IPO5: variants seen among roughly 807,000 people sequenced by gnomAD.
The protein encoded by IPO5 is importin-5.
In IPO5, 18 loss-of-function variants were observed where a neutral mutation model predicts 143.3. The ratio of observed to expected loss-of-function variants is 0.13; its 90% CI spans 0.09 to 0.19. IPO5 has a LOEUF of 0.19. Among genes scored for constraint, IPO5 ranks in the 10% least tolerant of loss-of-function variants. IPO5 has a pLI of 1.00. For missense variants in IPO5, 1,013 were observed against 1,336.9 expected (o/e 0.76, Z 3.78); for synonymous variants, 477 against 465.7 (o/e 1.02, Z -0.31).
chr13:97,987,503 A>G (rs71437944), intron 6 of IPO5, among the ~76,000 whole-genome samples: 7 of 152,146 alleles, frequency 4.6e-5, no homozygotes, highest in Non-Finnish European at 1.0e-4. Flanking sequence ...GAATGTGTCA[A>G]TTCTTTATAT....
chr13:98,003,114 A>G (rs1244486052), intron 16 of IPO5, 77 bp downstream of exon 16: 3 of 1,075,318 alleles, frequency 2.8e-6, no homozygotes, highest in East Asian at 2.4e-5. Context: ...AACTGGAGAA[A>G]GAGGGACTTG....
chr13:98,007,907 C>T (rs1209617871), intron 17 of IPO5, 152 bp from the exon 18 acceptor site: 3 of 574,402 alleles, frequency 5.2e-6, no homozygotes, highest in South Asian at 4.5e-5. Flanking sequence ...AAATCTGTCA[C>T]AATATAGATG....
Position 98,022,171 on chromosome 13 carries a change from G to T in IPO5, c.*349G>T. 5.8e-6 allele frequency: 1 copy of T among 171,900 alleles called. No homozygotes were observed. Among genetic ancestry groups the T allele is most frequent in the South Asian group, 1.9e-4 (1 of 5,372 alleles). 10.6% of individuals were successfully genotyped at this position (171,900 alleles called of 1,614,324 possible). A position where few individuals can be genotyped will look rare whatever the true frequency, so the allele number is the denominator to read the frequency against. ...AAACAGCTTTAAGAACAGTTACTCA[G>T]CGTAGATGTGTGTTCACACAAATTG... is the stretch of plus-strand genomic sequence containing the variant. On this transcript the variant is annotated 3_prime_UTR_variant, in exon 29 of 29. Coordinates refer to ENST00000651721, the MANE Select transcript of IPO5 (RefSeq NM_002271.6).
intron 17 of IPO5, 110 bp downstream of exon 17, chr13:98,006,458 T>C (rs2139800036): frequency 1.6e-6 from 1 of 639,546 alleles, no homozygotes; most frequent in Non-Finnish European, 2.5e-6. Flanking sequence ...CACTGCAAAC[T>C]CTGCCTCCCA....
intron 2 of IPO5, among the ~76,000 whole-genome samples, chr13:97,955,683 A>G (rs1884406844): frequency 6.6e-6 from 1 of 152,064 alleles, no homozygotes; most frequent in Non-Finnish European, 1.5e-5. Context: ...ACTCGCCCCA[A>G]TTTACAGATG....
intron 3 of IPO5, among the ~76,000 whole-genome samples, chr13:97,974,329 C>T (rs1485340398): frequency 3.4e-5 from 5 of 145,820 alleles, no homozygotes; most frequent in Non-Finnish European, 6.0e-5. Flanking sequence ...TTTTTTGAGA[C>T]GGAGTCTTGC....
intron 3 of IPO5, among the ~76,000 whole-genome samples, chr13:97,973,783 C>T (rs1886030567): frequency 6.6e-6 from 1 of 152,190 alleles, no homozygotes. Flanking sequence ...AAAAAACAAG[C>T]TCCTAGCCGG....
In IPO5 at chr13:97,976,746, A is replaced by T. The variant is rs770426666; in HGVS notation, c.50A>T (p.Asn17Ile). The change falls in exon 4 of 29, where the codon AAC becomes ATC. Residue 17 changes from asparagine (N) to isoleucine (I), a missense_variant. This residue lies in a region of IPO5 where 328 missense variants were observed against 342.0 expected (regional missense o/e 0.96). Coordinates refer to ENST00000651721, the MANE Select transcript of IPO5 (RefSeq NM_002271.6). ...CAACAGTTCTACCTGCTCCTGGGAA[A>T]CCTGCTCAGCCCCGACAATGTGGTC... ...EQQQFYLLLG[N>I]LLSPDNVVRK... 7.8e-6 allele frequency: 11 copies of T among 1,415,564 alleles called. No individual in the cohort carries two copies. The highest frequency in any genetic ancestry group is 1.0e-5 in the Non-Finnish European group (11 of 1,060,552). The allele number at this position is 1,415,564 out of a possible 1,614,324, so 87.7% of individuals were successfully genotyped here.
In IPO5 at chr13:98,023,767, G is replaced by C. The variant is rs984150250; in HGVS notation, c.*1945G>C. On this transcript the variant is annotated 3_prime_UTR_variant, in exon 29 of 29. Transcript: ENST00000651721. ...ACTGGCAGCATCCTCCTTGATAAAA[G>C]CAGAAAAGCAAAGAGGTAATTGGAG... 6.6e-6 allele frequency: 1 copy of C among 152,170 alleles called. No individual in the cohort carries two copies. The highest frequency in any genetic ancestry group is 2.4e-5 in the African/African-American group (1 of 41,424). 9.4% of individuals were successfully genotyped at this position (152,170 alleles called of 1,614,324 possible).
At chr13:98,015,879 G>A (rs1332186698) in intron 24 of IPO5, 98 bp downstream of exon 24, 41 of 742,482 alleles carry the variant, frequency 5.5e-5, no homozygotes, top group Non-Finnish European at 9.0e-5. Context: ...TCATTCTGAT[G>A]TAATTATCAG....
chr13:98,018,548 C>T lies in IPO5; in HGVS notation c.2680C>T (p.His894Tyr). ...GLCIFDDVIE[H>Y]CSPASFKYAE... ...ATGCATCTTTGATGATGTCATAGAA[C>T]ACTGTAGTCCAGCCTCATTTAAATA... The change falls in exon 26 of 29, where the codon CAC becomes TAC. Residue 894 changes from histidine (H) to tyrosine (Y), a missense_variant. Transcript: ENST00000651721. 2 of 1,614,060 alleles carry T rather than the reference C, an allele frequency of 1.2e-6. No homozygotes were observed. Among genetic ancestry groups the T allele is most frequent in the East Asian group, 2.2e-5 (1 of 44,872 alleles).
intron 20 of IPO5, among the ~76,000 whole-genome samples, 190 bp downstream of exon 20, chr13:98,010,414 C>G (rs1889598073): frequency 6.6e-6 from 1 of 152,098 alleles, no homozygotes; most frequent in East Asian, 1.9e-4. Context: ...TTTTAAATAG[C>G]AAAAAACAAC....
chr13:98,003,004 T>C lies in IPO5; in HGVS notation c.1464T>C (p.His488=), dbSNP rs930323989. The change falls in exon 16 of 29, where the codon CAT becomes CAC. Residue 488 remains histidine (H), a synonymous_variant. Transcript: ENST00000651721. ...CATACTTGGATAATTTGGTGAAACA[T>C]CTGCATTCCATTATGGTACTGAAGC... ...LIPYLDNLVK[H]LHSIMVLKLQ... The C allele has an allele frequency of 6.2e-7, 1 of 1,613,486 alleles. No homozygotes were observed. The highest frequency in any genetic ancestry group is 8.5e-7 in the Non-Finnish European group (1 of 1,179,758).
chr13:97,954,972 A>T (rs1884364024), intron 2 of IPO5, among the ~76,000 whole-genome samples: 1 of 152,164 alleles, frequency 6.6e-6, no homozygotes. Context: ...TCACACCTAT[A>T]ATCCCAGCAC....
chr13:97,992,399 A>G (rs1476893414), intron 9 of IPO5, among the ~76,000 whole-genome samples: 1 of 152,224 alleles, frequency 6.6e-6, no homozygotes, highest in African/African-American at 2.4e-5. Flanking sequence ...TATGAGAAAA[A>G]CTAGGGCATG....
At chr13:98,010,050 TTCTC>T in intron 19 of IPO5, 37 bp downstream of exon 19, 1 of 1,613,510 alleles carries the variant, frequency 6.2e-7, no homozygotes, top group East Asian at 2.2e-5. Context: ...GTTATAATAG[TTCTC>T]TCTTTGTTAT....
rs769078261 is a variant in IPO5, at chr13:98,006,150, G to A, written c.1518G>A (p.Lys506=). 2.5e-6 allele frequency: 4 copies of A among 1,613,242 alleles called. No individual in the cohort carries two copies. The African/African-American group carries it at 5.3e-5, about 22-fold the overall frequency. ...KLQELIQKGT[K]LVLEQVVTSI... Reference sequence around the variant, plus strand: ...TCTAGCTGATTCAGAAAGGCACCAAGTTAGTTTTGGAACAAGTTGTGACAT... The same window carrying A: ...TCTAGCTGATTCAGAAAGGCACCAAATTAGTTTTGGAACAAGTTGTGACAT... Residue 506 remains lysine (K), a synonymous_variant, in exon 17 of 29, where the codon AAG becomes AAA. Coordinates refer to ENST00000651721, the MANE Select transcript of IPO5 (RefSeq NM_002271.6).
At chr13:97,973,643 T>G (rs1886017235) in intron 3 of IPO5, among the ~76,000 whole-genome samples, 1 of 152,202 alleles carries the variant, frequency 6.6e-6, no homozygotes, top group Non-Finnish European at 1.5e-5. Context: ...CCCTTTTGAT[T>G]GGATATTTAA....
chr13:97,996,359 C>T (rs1001031630), intron 11 of IPO5, among the ~76,000 whole-genome samples: 4 of 151,900 alleles, frequency 2.6e-5, no homozygotes, highest in African/African-American at 7.3e-5. Context: ...TCAGGAAATT[C>T]GTAAAAGAGG....
Sources: gnomAD v4.1 joint callset for allele counts (sites outside exome capture counted in the v4.1 genomes callset) on GRCh38, gnomAD v4.1.1 for gene constraint, gnomAD v4.1.1 regional missense constraint, MANE v1.5 for transcripts, NCBI Gene and HGNC (gene_info 2026-07-23, HGNC 2026-07-21) for gene names.